TTF1: variants seen among roughly 807,000 people sequenced by gnomAD.
TTF1 encodes transcription termination factor, RNA polymerase I.
In TTF1, 64 loss-of-function variants were observed where a neutral mutation model predicts 80.2. The observed-to-expected ratio is 0.80, with a 90% confidence interval of 0.65 to 0.98. The LOEUF is 0.98. TTF1 is among the 50% of genes least tolerant of loss of function. The pLI is 0.00. For synonymous variants in TTF1, 372 were observed against 382.7 expected, an observed-to-expected ratio of 0.97 and a Z score of 0.33; for missense variants, 1,023 against 1,086.2, an observed-to-expected ratio of 0.94 and a Z score of 0.82.
rs775234833 is a variant in TTF1 at position 132,375,920 on chromosome 9, T to A, written c.2713A>T (p.Ile905Phe). Residue 905 changes from isoleucine to phenylalanine, a missense_variant, in exon 11 of 11, where the codon ATC becomes TTC. By Grantham distance (21) the Ile-to-Phe change is conservative. Transcript: ENST00000334270. ...CCGGTCTCGAACTCCTGACCTCAGATGATCCACCGGCCTTGGCCTCCCAAA... is the reference window on the plus strand; with the variant it reads ...CCGGTCTCGAACTCCTGACCTCAGAAGATCCACCGGCCTTGGCCTCCCAAA... ...STLGGQGRWI[I>F] 2 of 1,570,060 alleles carry A rather than the reference T, an allele frequency of 1.3e-6. No homozygotes were observed. Among genetic ancestry groups the A allele is most frequent in the Admixed American group, 3.5e-5 (2 of 56,456 alleles).
At chr9:132,395,438 T>G (rs1849630864) in intron 5 of TTF1, among the ~76,000 whole-genome samples, 1 of 152,150 alleles carries the variant, frequency 6.6e-6, no homozygotes, top group Non-Finnish European at 1.5e-5. Context: ...GGTGGAAATA[T>G]ATTACCTCAG....
chr9:132,398,782 G>T (rs1490065253), intron 3 of TTF1, among the ~76,000 whole-genome samples: 1 of 152,038 alleles, frequency 6.6e-6, no homozygotes, highest in East Asian at 1.9e-4. Context: ...GTAAGACGGG[G>T]TCTTGCTGTT....
chr9:132,399,774 T>A (rs1387048002), intron 3 of TTF1, among the ~76,000 whole-genome samples: 1 of 152,192 alleles, frequency 6.6e-6, no homozygotes, highest in Non-Finnish European at 1.5e-5. Context: ...TCCCTTCTCT[T>A]CTTAGTGGGA....
At chr9:132,377,431 G>C (rs1299796244) in intron 10 of TTF1, among the ~76,000 whole-genome samples, 1 of 91,878 alleles carries the variant, frequency 1.1e-5, no homozygotes, top group African/African-American at 4.7e-5. Context: ...CATGCATGTG[G>C]TGTGAGTGCA....
intron 1 of TTF1, among the ~76,000 whole-genome samples, chr9:132,406,191 A>T (rs1230753366): frequency 2.0e-5 from 3 of 152,144 alleles, no homozygotes; most frequent in Non-Finnish European, 4.4e-5. Context: ...CTGGTCCCGG[A>T]TTCTCTCACC....
At chr9:132,379,181 G>T in intron 9 of TTF1, 37 bp from the exon 10 acceptor site, 1 of 1,504,850 alleles carries the variant, frequency 6.6e-7, no homozygotes, top group Non-Finnish European at 9.1e-7. Context: ...AAGCAAGTTA[G>T]TTTAAAAATC....
Position 132,388,113 on chromosome 9 carries a change from G to A in TTF1, c.2312+26C>T. ...TTTGGCTAGAGACAGAAACAGTTAA[G>A]AGGCATCCGTTTCTATTTTTCATAC... On this transcript the variant is annotated intron_variant, in intron 8 of 10. Coordinates refer to ENST00000334270, the MANE Select transcript of TTF1 (RefSeq NM_007344.4). 4.5e-6 allele frequency: 7 copies of A among 1,554,040 alleles called. No homozygotes were observed. The South Asian group carries it at 5.7e-5, about 13-fold the overall frequency.
intron 10 of TTF1, among the ~76,000 whole-genome samples, chr9:132,377,507 T>G (rs1849227394): frequency 9.5e-6 from 1 of 105,214 alleles, no homozygotes. Flanking sequence ...AGTGCATGCA[T>G]GTGGTGTGAG....
At chr9:132,398,354 G>A (rs1305193692) in intron 3 of TTF1, 28 bp from the exon 4 acceptor site, 2 of 1,542,786 alleles carry the variant, frequency 1.3e-6, no homozygotes, top group Middle Eastern at 1.7e-4. Flanking sequence ...CAGGGAGAAA[G>A]TGTGTATTGT....
At position 132,390,509 on chromosome 9, in the gene TTF1, TC is replaced by T. The variant is rs1849540473; in HGVS notation, c.2222+87del. The T allele has an allele frequency of 1.0e-4, 133 of 1,298,254 alleles. 2 individuals are homozygous for T. The South Asian group carries it at 1.7e-3, about 16-fold the overall frequency. 80.4% of individuals were successfully genotyped at this position (1,298,254 alleles called of 1,614,324 possible). On this transcript the variant is annotated intron_variant, in intron 7 of 10. Transcript: ENST00000334270. The stretch of plus-strand genomic sequence containing the variant: ...CACGATTGTTCTTGACACGTCAGCT[TC>T]CCCACGGCAGTTACACAGATATTCT...
chr9:132,378,171 TGTGTGAATGCATGTG>T (rs1849273813), intron 10 of TTF1, among the ~76,000 whole-genome samples: 1 of 126,230 alleles, frequency 7.9e-6, no homozygotes, highest in African/African-American at 3.1e-5. Context: ...GCATGTGGTG[TGTGTGAATGCATGTG>T]GTGTGAGTGC....
intron 9 of TTF1, among the ~76,000 whole-genome samples, chr9:132,383,526 C>T (rs754902836): frequency 2.0e-5 from 3 of 152,122 alleles, no homozygotes; most frequent in Non-Finnish European, 4.4e-5. Context: ...ATAAAGTGAA[C>T]GTAGCAGAAT....
chr9:132,378,493 G>C (rs1849295887), intron 10 of TTF1, among the ~76,000 whole-genome samples: 1 of 143,504 alleles, frequency 7.0e-6, no homozygotes, highest in African/African-American at 2.6e-5. Context: ...GTGTGTGAAT[G>C]CATGTGATGT....
At chr9:132,390,451 G>A (rs1433594940) in intron 7 of TTF1, 146 bp downstream of exon 7, 1 of 688,330 alleles carries the variant, frequency 1.5e-6, no homozygotes, top group African/African-American at 1.8e-5. Context: ...AAATCAGAGA[G>A]TGATATGGAA....
chr9:132,388,202 G>A lies in TTF1; in HGVS notation c.2249C>T (p.Thr750Ile). ...KWTEILTKRM[T>I]NGRRIYYGMN... ...GCCATAGTAGATACGCCGACCATTA[G>A]TCATCCTCTTGGTTAGAATTTCTGT... Residue 750 changes from threonine to isoleucine, a missense_variant, in exon 8 of 11, where the codon ACT (threonine) becomes ATT (isoleucine). Physicochemically the swap from Thr to Ile is moderately conservative, Grantham distance 89 (BLOSUM62 -1). Transcript: ENST00000334270. 6.2e-7 allele frequency: 1 copy of A among 1,610,858 alleles called. No homozygotes were observed. The highest frequency in any genetic ancestry group is 1.3e-5 in the African/African-American group (1 of 75,024).
chr9:132,386,718 G>T (rs944167187), intron 8 of TTF1, 97 bp from the exon 9 acceptor site: 1 of 948,998 alleles, frequency 1.1e-6, no homozygotes, highest in Non-Finnish European at 1.6e-6. Flanking sequence ...AGGTATGTGC[G>T]CTTTCGCCGC....
At chr9:132,392,230 A>G in intron 5 of TTF1, 24 bp from the exon 6 acceptor site, 3 of 1,613,540 alleles carry the variant, frequency 1.9e-6, no homozygotes, top group Non-Finnish European at 2.5e-6. Flanking sequence ...AAAATGTTTT[A>G]CAAGTTTAAA....
chr9:132,390,825 T>C lies in TTF1; in HGVS notation c.1994A>G (p.Asn665Ser), dbSNP rs754007538. 6.2e-7 allele frequency: 1 copy of C among 1,613,780 alleles called. No homozygotes were observed. The highest frequency in any genetic ancestry group is 2.2e-5 in the East Asian group (1 of 44,888). The change falls in exon 7 of 11, where the codon AAT becomes AGT. Residue 665 changes from asparagine (N) to serine (S), a missense_variant. By Grantham distance (46) the Asn-to-Ser change is conservative (BLOSUM62 1). Coordinates refer to ENST00000334270, the MANE Select transcript of TTF1 (RefSeq NM_007344.4). ...LKFSQISSQR[N>S]RGAWSKSETR... Reference sequence around the variant, plus strand: ...TTCAGACTTACTCCAAGCACCACGATTTCTTTCTGTAGATATAAAAAGATG... The same window carrying C: ...TTCAGACTTACTCCAAGCACCACGACTTCTTTCTGTAGATATAAAAAGATG...
rs542851650 is a variant in TTF1, at chr9:132,387,957, G to A, written c.2312+182C>T. ...GGTACGATTATCGTCATCCTCAGTA[G>A]ATGAGTTAAGATGAGTAAACTGAGA... is the stretch of plus-strand genomic sequence containing the variant. On this transcript the variant is annotated intron_variant, in intron 8 of 10. Coordinates refer to ENST00000334270, the MANE Select transcript of TTF1 (RefSeq NM_007344.4). Among the ~76,000 whole-genome samples the A allele has an allele frequency of 3.9e-5, 6 of 152,342 alleles. No homozygotes were observed. The South Asian group carries it at 1.2e-3, about 32-fold the overall frequency.
Sources: allele counts gnomAD v4.1 joint callset (sites outside exome capture counted in the v4.1 genomes callset), GRCh38; gene constraint gnomAD v4.1.1; transcripts MANE v1.5; gene names NCBI Gene and HGNC (gene_info 2026-07-23, HGNC 2026-07-21).